The following FAM90A7 variants were observed in gnomAD, a reference collection of about 807,000 sequenced individuals.
The protein encoded by FAM90A7 is protein FAM90A7.
At chr8:7,558,942 G>A in the FAM90A7 span, 1 of 36,684 alleles carries the variant, frequency 2.7e-5, no homozygotes, top group Non-Finnish European at 5.5e-5. Context: ...AGGGCCCCGG[G>A]TTGGCTTCAG....
Sources: gnomAD v4.1 joint callset for allele counts on GRCh38, gnomAD v4.1.1 for gene constraint, MANE v1.5 for transcripts, NCBI Gene and HGNC (gene_info 2026-07-23, HGNC 2026-07-21) for gene names.